HECW1: variants seen among roughly 807,000 people sequenced by gnomAD.
HECW1 encodes the protein E3 ubiquitin-protein ligase HECW1.
In HECW1, 61 loss-of-function variants were observed where a neutral mutation model predicts 182.3. The ratio of observed to expected loss-of-function variants is 0.33; its 90% CI spans 0.27 to 0.41. The LOEUF is 0.41. HECW1 is among the 10% of genes least tolerant of loss of function. The pLI, the probability that HECW1 is intolerant of heterozygous loss-of-function variation, is 1.00. For synonymous variants in HECW1, 859 were observed against 832.6 expected, an observed-to-expected ratio of 1.03 and a Z score of -0.55; for missense variants, 1,739 against 2,108.9, an observed-to-expected ratio of 0.82 and a Z score of 3.44.
At chr7:43,505,886 A>G (rs2079558611) in intron 21 of HECW1, among the ~76,000 whole-genome samples, 2 of 152,230 alleles carry the variant, frequency 1.3e-5, no homozygotes, top group Admixed American at 1.3e-4. Flanking sequence ...CTGAGAGTTT[A>G]CCAGCATCAG....
intron 17 of HECW1, among the ~76,000 whole-genome samples, chr7:43,489,561 A>G (rs908660600): frequency 1.3e-5 from 2 of 152,250 alleles, no homozygotes; most frequent in African/African-American, 4.8e-5. Flanking sequence ...AATGACATCA[A>G]AGTGAGAAGT....
chr7:43,417,343 C>T lies in HECW1; in HGVS notation c.801+9612C>T, dbSNP rs144041834. On this transcript the variant is annotated intron_variant, in intron 8 of 29. Transcript: ENST00000395891. ...GAGATTACAGGCATGAGCCACCACA[C>T]CTGGCCTCTTCATTTATTTCTGAAG... 2.3e-3 allele frequency among the ~76,000 whole-genome samples: 344 copies of T among 152,326 alleles called. 3 individuals carry two copies. Among genetic ancestry groups the T allele is most frequent in the African/African-American group, 7.0e-3 (289 of 41,562 alleles).
intron 3 of HECW1, among the ~76,000 whole-genome samples, chr7:43,308,069 AT>A (rs1164394133): frequency 9.2e-6 from 1 of 108,956 alleles, no homozygotes; most frequent in Non-Finnish European, 1.7e-5. Context: ...CATATAATAT[AT>A]AAATATAATA....
intron 2 of HECW1, among the ~76,000 whole-genome samples, chr7:43,124,358 G>T (rs1447075373): frequency 2.0e-5 from 3 of 152,172 alleles, no homozygotes; most frequent in Non-Finnish European, 4.4e-5. Context: ...CTATTAGCAG[G>T]TGGAACTCAT....
intron 8 of HECW1, among the ~76,000 whole-genome samples, chr7:43,437,610 C>T (rs576699379): frequency 6.6e-6 from 1 of 152,346 alleles, no homozygotes; most frequent in African/African-American, 2.4e-5. Flanking sequence ...TTCTAGAAAT[C>T]TCTTCCATCA....
At chr7:43,287,543 G>T (rs1176565003) in intron 3 of HECW1, among the ~76,000 whole-genome samples, 1 of 152,156 alleles carries the variant, frequency 6.6e-6, no homozygotes, top group Non-Finnish European at 1.5e-5. Flanking sequence ...TCACTATATT[G>T]CCCAGGCTGG....
At chr7:43,274,582 G>A (rs1802849756) in intron 3 of HECW1, 2 of 483,110 alleles carry the variant, frequency 4.1e-6, no homozygotes, top group Non-Finnish European at 3.9e-6. Flanking sequence ...TCTTCTTTTA[G>A]GTGCAGGTTC....
intron 3 of HECW1, among the ~76,000 whole-genome samples, chr7:43,280,037 T>C (rs1170086894): frequency 6.6e-6 from 1 of 152,122 alleles, no homozygotes; most frequent in Non-Finnish European, 1.5e-5. Flanking sequence ...AAGGTCAGAA[T>C]GGGATTGGGG....
chr7:43,168,377 G>A (rs1182361981), intron 2 of HECW1, among the ~76,000 whole-genome samples: 1 of 152,204 alleles, frequency 6.6e-6, no homozygotes, highest in East Asian at 1.9e-4. Flanking sequence ...GTATGTGCCA[G>A]CTGGGCATGG....
At position 43,267,583 on chromosome 7, in the gene HECW1, T is replaced by C. The variant is rs117363274; in HGVS notation, c.27+23651T>C. ...GAAACCTAGGGAAAGAAAAATTAAA[T>C]AACTAAAATATAAGAAGAAATTAAT... On this transcript the variant is annotated intron_variant, in intron 3 of 29. Coordinates refer to ENST00000395891, the MANE Select transcript of HECW1 (RefSeq NM_015052.5). 1.1e-4 allele frequency among the ~76,000 whole-genome samples: 16 copies of C among 151,868 alleles called. No individual in the cohort carries two copies. In the East Asian group the frequency reaches 3.1e-3, roughly 29 times the overall value.
intron 4 of HECW1, among the ~76,000 whole-genome samples, chr7:43,313,603 C>G (rs1808818490): frequency 6.6e-6 from 1 of 152,196 alleles, no homozygotes; most frequent in South Asian, 2.1e-4. Context: ...TCCCATAGTG[C>G]TGGGATTACA....
At chr7:43,438,334 C>G in intron 9 of HECW1, 189 bp downstream of exon 9, 1 of 484,342 alleles carries the variant, frequency 2.1e-6, no homozygotes, top group East Asian at 3.4e-5. Flanking sequence ...ACAAACCCAT[C>G]CCTTTTCACT....
intron 24 of HECW1, among the ~76,000 whole-genome samples, chr7:43,536,580 C>T (rs901022525): frequency 4.7e-4 from 71 of 152,342 alleles, no homozygotes; most frequent in African/African-American, 1.7e-3. Context: ...ATCGTTGGAA[C>T]TTAGACACAC....
chr7:43,113,542 AGCGCCTCCCTGTTACCGGCCGGCT>A (rs1367591263), intron 1 of HECW1: 1 of 173,592 alleles, frequency 5.8e-6, no homozygotes, highest in Non-Finnish European at 1.2e-5. Context: ...GTGCTCCCCC[AGCGCCTCCCTGTTACCGGCCGGCT>A]GCGCCGCTCA....
intron 24 of HECW1, among the ~76,000 whole-genome samples, chr7:43,517,510 T>C (rs1323720186): frequency 1.3e-5 from 2 of 152,178 alleles, no homozygotes; most frequent in African/African-American, 4.8e-5. Flanking sequence ...AGTGTAATTG[T>C]AGAGTTTTAT....
At chr7:43,463,842 G>C in intron 14 of HECW1, 43 bp downstream of exon 14, 1 of 1,604,710 alleles carries the variant, frequency 6.2e-7, no homozygotes, top group Non-Finnish European at 8.5e-7. Context: ...GGCTTTCAGG[G>C]GCTGTGTGAC....
chr7:43,143,728 G>A (rs936409288), intron 2 of HECW1, among the ~76,000 whole-genome samples: 3 of 152,242 alleles, frequency 2.0e-5, no homozygotes, highest in African/African-American at 4.8e-5. Flanking sequence ...GCTACCAACC[G>A]CTTGTTCAAC....
intron 5 of HECW1, among the ~76,000 whole-genome samples, chr7:43,360,618 T>A (rs1815746956): frequency 6.6e-6 from 1 of 152,154 alleles, no homozygotes; most frequent in South Asian, 2.1e-4. Flanking sequence ...ATCAATGACC[T>A]CTAATGGGGT....
intron 2 of HECW1, among the ~76,000 whole-genome samples, chr7:43,116,944 A>G (rs537459114): frequency 6.6e-6 from 1 of 152,320 alleles, no homozygotes; most frequent in East Asian, 1.9e-4. Context: ...AAAAGATTAG[A>G]AATAATTTAA....
Sources: allele counts gnomAD v4.1 joint callset (sites outside exome capture counted in the v4.1 genomes callset), GRCh38; gene constraint gnomAD v4.1.1; transcripts MANE v1.5; gene names NCBI Gene and HGNC (gene_info 2026-07-23, HGNC 2026-07-21).